CSMD1: variants seen among roughly 807,000 people sequenced by gnomAD.
CSMD1 encodes CUB and sushi domain-containing protein 1.
In CSMD1, 213 loss-of-function variants were observed where a neutral mutation model predicts 417.5. The ratio of observed to expected loss-of-function variants is 0.51; its 90% CI spans 0.46 to 0.57. The LOEUF (loss-of-function observed/expected upper bound fraction) is 0.57, where lower values mean the gene tolerates loss of function less well. Ranked by LOEUF, CSMD1 falls within the 20% of genes least tolerant of loss-of-function variation. The probability of loss-of-function intolerance (pLI) is 0.00; values close to 1 mark genes in which losing one functional copy is unlikely to be tolerated. For synonymous variants in CSMD1, 2,862 were observed against 1,736.8 expected (o/e 1.65, Z -16.11); for missense variants, 6,923 against 4,529.7 (o/e 1.53, Z -15.17).
chr8:4,207,238 C>T (rs73658480), intron 3 of CSMD1, among the ~76,000 whole-genome samples: 4,337 of 152,096 alleles, frequency 0.029, 206 homozygotes, highest in African/African-American at 0.095. Context: ...CAAATATAGC[C>T]AGCATTCCCA....
chr8:4,689,155 T>A (rs1213062918), intron 1 of CSMD1, among the ~76,000 whole-genome samples: 1 of 152,194 alleles, frequency 6.6e-6, no homozygotes, highest in African/African-American at 2.4e-5. Flanking sequence ...TCAGCAAAGG[T>A]AACAGGCCCC....
chr8:3,718,951 G>C (rs111695991), intron 6 of CSMD1, among the ~76,000 whole-genome samples: 3 of 152,222 alleles, frequency 2.0e-5, no homozygotes, highest in South Asian at 4.1e-4. Flanking sequence ...AGGGAGAATA[G>C]AAGGAGCGAG....
chr8:4,135,511 G>A (rs890346313), intron 3 of CSMD1, among the ~76,000 whole-genome samples: 5 of 152,066 alleles, frequency 3.3e-5, no homozygotes, highest in African/African-American at 4.8e-5. Context: ...CAAAGCTTTA[G>A]GAAAGCCTGA....
At chr8:2,974,125 G>T (rs1206085867) in intron 56 of CSMD1, among the ~76,000 whole-genome samples, 1 of 124,348 alleles carries the variant, frequency 8.0e-6, no homozygotes, top group East Asian at 2.2e-4. Flanking sequence ...ATGGTAGAGG[G>T]AGGGAAAATT....
intron 1 of CSMD1, among the ~76,000 whole-genome samples, chr8:4,934,490 A>G (rs1409542434): frequency 2.0e-5 from 3 of 152,210 alleles, no homozygotes; most frequent in African/African-American, 7.2e-5. Context: ...AGAAAATACG[A>G]AGAGCTTATC....
At chr8:3,748,466 C>T (rs752552349) in intron 6 of CSMD1, among the ~76,000 whole-genome samples, 1 of 152,126 alleles carries the variant, frequency 6.6e-6, no homozygotes, top group Non-Finnish European at 1.5e-5. Context: ...GTCCGTGGAA[C>T]CTTGAGGGGA....
At chr8:3,147,704 T>C (rs1166755369) in intron 40 of CSMD1, among the ~76,000 whole-genome samples, 1 of 152,240 alleles carries the variant, frequency 6.6e-6, no homozygotes, top group Non-Finnish European at 1.5e-5. Context: ...TGACACTCTC[T>C]TAGGGTCTAA....
At chr8:3,813,072 A>T (rs1332162283) in intron 5 of CSMD1, among the ~76,000 whole-genome samples, 3 of 150,384 alleles carry the variant, frequency 2.0e-5, no homozygotes. Context: ...GTATACCAAG[A>T]AAATTCTATT....
intron 7 of CSMD1, among the ~76,000 whole-genome samples, chr8:3,694,763 A>G (rs975018456): frequency 5.9e-5 from 9 of 151,794 alleles, no homozygotes; most frequent in African/African-American, 2.2e-4. Context: ...ACCAAAAAAG[A>G]AGTGGAAAGA....
chr8:3,990,739 C>A (rs1814679629), intron 5 of CSMD1, among the ~76,000 whole-genome samples: 1 of 152,166 alleles, frequency 6.6e-6, no homozygotes, highest in African/African-American at 2.4e-5. Flanking sequence ...GATGGCTTCT[C>A]AGAGTTGCAG....
chr8:4,440,739 T>C (rs528155241), intron 2 of CSMD1, among the ~76,000 whole-genome samples: 17 of 152,292 alleles, frequency 1.1e-4, no homozygotes, highest in Admixed American at 4.6e-4. Context: ...TTCATGCCTA[T>C]AATCCCAGCA....
At position 4,031,828 on chromosome 8, in the gene CSMD1, G is replaced by A. The variant is rs567942944; in HGVS notation, c.610+77C>T. On this transcript the variant is annotated intron_variant, in intron 4 of 69. Coordinates refer to ENST00000635120, the MANE Select transcript of CSMD1 (RefSeq NM_033225.6). ...AACATGTATTATTTTCATTTAAGTGGAAACTTTCATAAAAGCATCTCCAAA... is the reference window on the plus strand; with the variant it reads ...AACATGTATTATTTTCATTTAAGTGAAAACTTTCATAAAAGCATCTCCAAA... The A allele has an allele frequency of 1.8e-4, 204 of 1,132,816 alleles. 1 individual carries two copies. The African/African-American group carries it at 2.9e-3, about 16-fold the overall frequency. 70.2% of individuals were successfully genotyped at this position (1,132,816 alleles called of 1,614,324 possible).
intron 6 of CSMD1, among the ~76,000 whole-genome samples, chr8:3,711,504 C>A (rs1313973262): frequency 1.3e-5 from 2 of 152,220 alleles, no homozygotes; most frequent in South Asian, 4.1e-4. Context: ...CACTACGGAA[C>A]TCTCAGAGAG....
At position 3,517,549 on chromosome 8, in the gene CSMD1, G is replaced by A. The variant is rs1300213374; in HGVS notation, c.1345-23823C>T. ...CACACAAGTCCCTGGGAGAATGGGA[G>A]GAGAAGTCTCATTCCACACTGCTGT... On this transcript the variant is annotated intron_variant, in intron 10 of 69. Transcript: ENST00000635120. Among the ~76,000 whole-genome samples the A allele has an allele frequency of 3.3e-5, 5 of 152,174 alleles. No homozygotes were observed. The East Asian group carries it at 7.7e-4, about 23-fold the overall frequency.
chr8:3,240,896 C>T (rs2116968294), intron 26 of CSMD1, among the ~76,000 whole-genome samples: 1 of 152,084 alleles, frequency 6.6e-6, no homozygotes, highest in South Asian at 2.1e-4. Context: ...TTTAAGAGGT[C>T]ATGCTGTAGC....
intron 5 of CSMD1, among the ~76,000 whole-genome samples, chr8:3,789,726 ATTT>A (rs55917452): frequency 0.019 from 1,918 of 101,094 alleles, 15 homozygotes; most frequent in South Asian, 0.052. Flanking sequence ...ATCATGGTTA[ATTT>A]TTTTTTTTTT....
chr8:4,242,371 A>G (rs1025390383), intron 3 of CSMD1, among the ~76,000 whole-genome samples: 1 of 152,194 alleles, frequency 6.6e-6, no homozygotes, highest in Non-Finnish European at 1.5e-5. Flanking sequence ...AAAGAGCTGT[A>G]AATGAGAGAA....
intron 23 of CSMD1, among the ~76,000 whole-genome samples, chr8:3,335,323 C>A (rs549583868): frequency 1.1e-4 from 17 of 152,302 alleles, no homozygotes; most frequent in Admixed American, 6.5e-4. Context: ...AATTTCCCCT[C>A]CATCACACAC....
At chr8:4,423,700 G>C (rs79928372) in intron 2 of CSMD1, among the ~76,000 whole-genome samples, 17,927 of 151,334 alleles carry the variant, frequency 0.12, 1,355 homozygotes, top group East Asian at 0.29. Context: ...TATATAGCAA[G>C]ATCTTTCTAA....
Sources: allele counts gnomAD v4.1 joint callset (sites outside exome capture counted in the v4.1 genomes callset), GRCh38; gene constraint gnomAD v4.1.1; transcripts MANE v1.5; gene names NCBI Gene and HGNC (gene_info 2026-07-23, HGNC 2026-07-21).